FABP7: variants seen among roughly 807,000 people sequenced by gnomAD.
The protein encoded by FABP7 is fatty acid-binding protein, brain.
A neutral mutation model predicts 14.2 loss-of-function variants in FABP7; 13 were observed. The observed-to-expected ratio is 0.91, with a 90% CI of 0.59 to 1.45. FABP7 has a LOEUF of 1.45. Among genes scored for constraint, FABP7 ranks in the 40% most tolerant of loss-of-function variants. FABP7 has a pLI of 0.00. For missense variants in FABP7, 149 were observed against 157.6 expected (o/e 0.95, Z 0.29); for synonymous variants, 49 against 51.4 (o/e 0.95, Z 0.20).
rs575860185 is a variant in FABP7, at chr6:122,783,863, G to A, written c.*96G>A. 5.7e-4 allele frequency: 579 copies of A among 1,016,386 alleles called. No homozygotes were observed. Among genetic ancestry groups the A allele is most frequent in the Non-Finnish European group, 6.8e-4 (464 of 685,090 alleles). 63.0% of individuals were successfully genotyped at this position (1,016,386 alleles called of 1,614,324 possible). A position where few individuals can be genotyped will look rare whatever the true frequency, so the allele number is the denominator to read the frequency against. ...TTACAACATGGCTGATCATTAATTA[G>A]AAGGTTATCCTTGGTGTGGAGGTGG... On this transcript the variant is annotated 3_prime_UTR_variant, in exon 4 of 4. Transcript: ENST00000368444.
the FABP7 span, among the ~76,000 whole-genome samples, chr6:122,752,512 C>G: frequency 2.0e-5 from 3 of 152,186 alleles, no homozygotes; most frequent in Non-Finnish European, 4.4e-5. Context: ...CCATTCCCAC[C>G]CCCAACCTTA....
intron 3 of FABP7, chr6:122,781,599 A>G (rs1780786077): frequency 8.6e-7 from 1 of 1,165,478 alleles, no homozygotes; most frequent in South Asian, 3.9e-5. Flanking sequence ...ATGACTTTAT[A>G]GCTCCTGTAA....
At chr6:122,756,453 C>T in the FABP7 span, among the ~76,000 whole-genome samples, 4 of 152,146 alleles carry the variant, frequency 2.6e-5, no homozygotes, top group Non-Finnish European at 5.9e-5. Context: ...GACTTCCTGT[C>T]GGCACCACCA....
the FABP7 span, among the ~76,000 whole-genome samples, chr6:122,768,774 C>A: frequency 6.6e-6 from 1 of 152,034 alleles, no homozygotes; most frequent in Non-Finnish European, 1.5e-5. Context: ...AGAGAAGGAG[C>A]TGTATTATAT....
In FABP7 at chr6:122,780,300, T is replaced by C; in HGVS notation, c.83T>C (p.Phe28Ser). Residue 28 changes from phenylalanine to serine, a missense_variant, in exon 2 of 4, where the codon TTT becomes TCT. Physicochemically the swap from Phe to Ser is radical, Grantham distance 155 (BLOSUM62 -2). Transcript: ENST00000368444. ...DEYMKALGVG[F>S]ATRQVGNVTK... ...CCCTTTGCTATTTTAGGCGTGGGCT[T>C]TGCCACTAGGCAGGTGGGAAATGTG... 1 of 1,614,074 alleles carries C rather than the reference T, an allele frequency of 6.2e-7. No homozygotes were observed. Among genetic ancestry groups the C allele is most frequent in the African/African-American group, 1.3e-5 (1 of 75,056 alleles).
the FABP7 span, among the ~76,000 whole-genome samples, chr6:122,771,538 T>C: frequency 6.6e-6 from 1 of 152,170 alleles, no homozygotes; most frequent in Admixed American, 6.6e-5. Flanking sequence ...AGAGGATCTA[T>C]AGAAAGGACA....
the FABP7 span, among the ~76,000 whole-genome samples, chr6:122,758,878 G>A: frequency 6.6e-6 from 1 of 152,028 alleles, no homozygotes; most frequent in Admixed American, 6.5e-5. Context: ...TTTTTTGATG[G>A]GGTAAAACAT....
chr6:122,769,858 G>T, the FABP7 span, among the ~76,000 whole-genome samples: 1 of 152,026 alleles, frequency 6.6e-6, no homozygotes, highest in East Asian at 1.9e-4. Flanking sequence ...TGCGGTGAAA[G>T]AAAAAGTAAA....
chr6:122,767,039 A>G, the FABP7 span, among the ~76,000 whole-genome samples: 9 of 152,090 alleles, frequency 5.9e-5, no homozygotes, highest in Non-Finnish European at 1.2e-4. Flanking sequence ...ATTATCTAAG[A>G]ATAAATCTTA....
chr6:122,775,686 T>C (rs1780659382), upstream of FABP7, among the ~76,000 whole-genome samples: 1 of 107,104 alleles, frequency 9.3e-6, no homozygotes, highest in East Asian at 2.5e-4. Flanking sequence ...GAAAACCTCT[T>C]CACAACAACA....
chr6:122,755,502 A>G, the FABP7 span, among the ~76,000 whole-genome samples: 2 of 137,718 alleles, frequency 1.5e-5, no homozygotes, highest in African/African-American at 5.4e-5. Context: ...TCTGTAGCCC[A>G]GGCTGGAGTG....
chr6:122,782,042 G>C (rs1780802017), intron 3 of FABP7: 1 of 985,132 alleles, frequency 1.0e-6, no homozygotes. Flanking sequence ...CTGAGCCAAG[G>C]CTCCCAGCCC....
chr6:122,778,916 A>C (rs1780717553), upstream of FABP7, among the ~76,000 whole-genome samples: 1 of 152,186 alleles, frequency 6.6e-6, no homozygotes, highest in Non-Finnish European at 1.5e-5. Context: ...TCTATAATCT[A>C]TTCAAGGAGA....
the FABP7 span, among the ~76,000 whole-genome samples, chr6:122,761,858 A>C: frequency 1.3e-5 from 2 of 152,186 alleles, no homozygotes; most frequent in Non-Finnish European, 2.9e-5. Flanking sequence ...TCTGTTTTTC[A>C]AGTTTTGAAA....
chr6:122,767,301 G>T, the FABP7 span, among the ~76,000 whole-genome samples: 1 of 152,008 alleles, frequency 6.6e-6, no homozygotes, highest in South Asian at 2.1e-4. Context: ...TTCTGAAGAA[G>T]AGTAACAAAT....
the FABP7 span, among the ~76,000 whole-genome samples, chr6:122,755,614 C>T: frequency 3.3e-5 from 5 of 151,508 alleles, no homozygotes; most frequent in South Asian, 8.4e-4. Flanking sequence ...CCACCACGCC[C>T]GGCTAATTTT....
chr6:122,754,607 AC>A, the FABP7 span, among the ~76,000 whole-genome samples: 5 of 57,412 alleles, frequency 8.7e-5, no homozygotes, highest in African/African-American at 2.8e-4. Context: ...CCATCCCCCC[AC>A]CCCCCACCCA....
chr6:122,782,378 C>A, intron 3 of FABP7: 2 of 534,694 alleles, frequency 3.7e-6, no homozygotes, highest in Non-Finnish European at 4.8e-6. Flanking sequence ...TCCCGGATGG[C>A]TCCTGGCAAT....
the FABP7 span, among the ~76,000 whole-genome samples, chr6:122,751,796 G>C: frequency 6.6e-6 from 1 of 152,116 alleles, no homozygotes; most frequent in African/African-American, 2.4e-5. Context: ...GCCTGAGGAA[G>C]GGAAGCCGGC....
Sources: gnomAD v4.1 joint callset for allele counts (sites outside exome capture counted in the v4.1 genomes callset) on GRCh38, gnomAD v4.1.1 for gene constraint, MANE v1.5 for transcripts, NCBI Gene and HGNC (gene_info 2026-07-23, HGNC 2026-07-21) for gene names.